BMPR1B: variants seen among roughly 807,000 people sequenced by gnomAD.
BMPR1B encodes the protein bone morphogenetic protein receptor type 1B, also known as bone morphogenetic protein receptor type-1B.
A neutral mutation model predicts 59.1 loss-of-function variants in BMPR1B; 12 were observed. That is an observed-to-expected ratio of 0.20 (90% CI 0.13 to 0.33). The LOEUF (loss-of-function observed/expected upper bound fraction) is 0.33, where lower values mean the gene tolerates loss of function less well. BMPR1B is among the 10% of genes least tolerant of loss of function. The pLI is 1.00. For missense variants in BMPR1B, 550 were observed against 610.9 expected (o/e 0.90, Z 1.05); for synonymous variants, 237 against 207.3 (o/e 1.14, Z -1.23).
At chr4:94,794,500 G>A (rs1395827330) in intron 1 of BMPR1B, among the ~76,000 whole-genome samples, 10 of 137,728 alleles carry the variant, frequency 7.3e-5, no homozygotes, top group African/African-American at 8.8e-5. Context: ...TTGGCGATGC[G>A]GGCTCTTTTT....
intron 2 of BMPR1B, among the ~76,000 whole-genome samples, chr4:94,941,566 C>T (rs560107594): frequency 9.0e-4 from 137 of 151,934 alleles, no homozygotes; most frequent in Non-Finnish European, 1.8e-3. Context: ...TAAAGTTAGA[C>T]ATTTAAAAAG....
intron 3 of BMPR1B, among the ~76,000 whole-genome samples, chr4:95,006,984 A>G (rs532368452): frequency 3.3e-5 from 5 of 152,326 alleles, no homozygotes; most frequent in East Asian, 1.9e-4. Context: ...CAGGTGTCCA[A>G]ATCAGAGAGC....
intron 2 of BMPR1B, among the ~76,000 whole-genome samples, chr4:94,936,262 C>T (rs1291800396): frequency 6.6e-6 from 1 of 152,106 alleles, no homozygotes; most frequent in African/African-American, 2.4e-5. Flanking sequence ...CCAAGTTATA[C>T]AGAGGCAGTT....
At chr4:94,954,279 T>C (rs1730059435) in intron 2 of BMPR1B, among the ~76,000 whole-genome samples, 1 of 152,194 alleles carries the variant, frequency 6.6e-6, no homozygotes, top group Non-Finnish European at 1.5e-5. Flanking sequence ...TCCTGATTCT[T>C]TTCTCTCCGT....
intron 3 of BMPR1B, among the ~76,000 whole-genome samples, chr4:95,071,110 T>A (rs1473772335): frequency 1.3e-5 from 2 of 152,202 alleles, no homozygotes; most frequent in African/African-American, 4.8e-5. Context: ...TTAATTGTTG[T>A]ATTCTTCACC....
chr4:94,811,544 A>G (rs557154745), intron 1 of BMPR1B, among the ~76,000 whole-genome samples: 6 of 152,324 alleles, frequency 3.9e-5, no homozygotes, highest in African/African-American at 1.4e-4. Context: ...TGTGAATAAA[A>G]TGACTTCAAT....
intron 10 of BMPR1B, among the ~76,000 whole-genome samples, chr4:95,140,229 T>C (rs1734123969): frequency 6.6e-6 from 1 of 152,168 alleles, no homozygotes; most frequent in Non-Finnish European, 1.5e-5. Flanking sequence ...ATTTTTCAGA[T>C]TTGCGTTTCT....
At chr4:95,142,817 T>C (rs1734344759) in intron 10 of BMPR1B, among the ~76,000 whole-genome samples, 1 of 151,524 alleles carries the variant, frequency 6.6e-6, no homozygotes, top group Non-Finnish European at 1.5e-5. Context: ...GGGGCTCTTT[T>C]TTTTTTTTTT....
chr4:95,148,915 T>C lies in BMPR1B; in HGVS notation c.1244T>C (p.Val415Ala). The change falls in exon 11 of 13, where the codon GTA becomes GCA. Residue 415 changes from valine to alanine, a missense_variant. This residue lies in a region of BMPR1B where 123 missense variants were observed against 164.6 expected (regional missense o/e 0.75). Coordinates refer to ENST00000515059, the MANE Select transcript of BMPR1B (RefSeq NM_001203.3). ...LILWEVARRCVSGGIVEEYQL... is the reference protein window; with the variant it reads ...LILWEVARRCASGGIVEEYQL... ...CTTTGGGAGGTTGCTAGGAGATGTGTATCAGGAGGTAAGAAACAGTGCTGT... is the reference window on the plus strand; with the variant it reads ...CTTTGGGAGGTTGCTAGGAGATGTGCATCAGGAGGTAAGAAACAGTGCTGT... 6.2e-7 allele frequency: 1 copy of C among 1,613,980 alleles called. No homozygotes were observed. Among genetic ancestry groups the C allele is most frequent in the East Asian group, 2.2e-5 (1 of 44,872 alleles).
At chr4:95,124,867 A>G in intron 7 of BMPR1B, 116 bp from the exon 8 acceptor site, 1 of 923,694 alleles carries the variant, frequency 1.1e-6, no homozygotes, top group Non-Finnish European at 1.7e-6. Context: ...TGAAGCATTT[A>G]ATGTATTATA....
intron 3 of BMPR1B, among the ~76,000 whole-genome samples, chr4:95,089,518 C>T (rs940659064): frequency 3.3e-5 from 5 of 152,022 alleles, no homozygotes; most frequent in African/African-American, 4.8e-5. Context: ...AAGACTGGGA[C>T]CACTGAGGTA....
intron 10 of BMPR1B, among the ~76,000 whole-genome samples, chr4:95,145,567 A>G (rs1163685321): frequency 6.6e-6 from 1 of 152,146 alleles, no homozygotes; most frequent in African/African-American, 2.4e-5. Flanking sequence ...AATCACATTT[A>G]TGTCTATTTT....
chr4:94,904,430 G>C (rs566916583), intron 2 of BMPR1B, among the ~76,000 whole-genome samples: 1 of 152,118 alleles, frequency 6.6e-6, no homozygotes, highest in East Asian at 1.9e-4. Context: ...ATAGCAGATA[G>C]GGATTCAGAA....
intron 3 of BMPR1B, among the ~76,000 whole-genome samples, chr4:95,026,931 T>G (rs186699754): frequency 1.3e-5 from 2 of 150,878 alleles, no homozygotes; most frequent in Non-Finnish European, 3.0e-5. Flanking sequence ...GCTAATTTTT[T>G]AAAAAAAAAC....
At chr4:94,777,168 C>T (rs1282498777) in intron 1 of BMPR1B, among the ~76,000 whole-genome samples, 1 of 151,948 alleles carries the variant, frequency 6.6e-6, no homozygotes, top group African/African-American at 2.4e-5. Context: ...GCTTTCCAGT[C>T]ATCATTCTAA....
intron 2 of BMPR1B, among the ~76,000 whole-genome samples, chr4:94,977,148 G>A (rs1023804): frequency 0.95 from 145,263 of 152,272 alleles, 69,328 homozygotes; most frequent in Middle Eastern, 0.99. Flanking sequence ...TGAAATAATC[G>A]CTTCTTTACC....
intron 3 of BMPR1B, among the ~76,000 whole-genome samples, chr4:95,020,154 C>T (rs1723868061): frequency 6.6e-6 from 1 of 152,094 alleles, no homozygotes; most frequent in Non-Finnish European, 1.5e-5. Flanking sequence ...AATTTTGTCT[C>T]CCAGGGGACA....
At chr4:95,008,479 A>G (rs1293620823) in intron 3 of BMPR1B, among the ~76,000 whole-genome samples, 1 of 152,184 alleles carries the variant, frequency 6.6e-6, no homozygotes, top group African/African-American at 2.4e-5. Context: ...CCACATGGAA[A>G]GTGCAGATTG....
At chr4:94,799,095 A>G (rs752256378) in intron 1 of BMPR1B, among the ~76,000 whole-genome samples, 1 of 150,476 alleles carries the variant, frequency 6.6e-6, no homozygotes, top group Non-Finnish European at 1.5e-5. Flanking sequence ...GCAAATGAAA[A>G]ACAATGGCTA....
Sources: allele counts gnomAD v4.1 joint callset (sites outside exome capture counted in the v4.1 genomes callset), GRCh38; gene constraint gnomAD v4.1.1; regional missense constraint gnomAD v4.1.1; transcripts MANE v1.5; gene names NCBI Gene and HGNC (gene_info 2026-07-23, HGNC 2026-07-21).